Variants in XYLT1 observed in about 807,000 individuals in gnomAD.
The protein encoded by XYLT1 is xylosyltransferase 1, also known as beta-D-xylosyltransferase 1.
XYLT1 carries 36 observed loss-of-function variants against 91.3 expected under a neutral mutation model. That is an observed-to-expected ratio of 0.39 (90% CI 0.30 to 0.52). The LOEUF is 0.52. XYLT1 is among the 20% of genes least tolerant of loss of function. The pLI, the probability that XYLT1 is intolerant of heterozygous loss-of-function variation, is 0.68. For synonymous variants in XYLT1, 588 were observed against 532.0 expected, an observed-to-expected ratio of 1.11 and a Z score of -1.45; for missense variants, 1,242 against 1,284.5, an observed-to-expected ratio of 0.97 and a Z score of 0.51.
chr16:17,274,671 C>G (rs2033945683), intron 2 of XYLT1, among the ~76,000 whole-genome samples: 2 of 152,104 alleles, frequency 1.3e-5, no homozygotes, highest in South Asian at 4.1e-4. Context: ...GGAGACTTCA[C>G]AGAGAAAGCA....
chr16:17,335,317 A>G (rs1389818142), intron 2 of XYLT1, among the ~76,000 whole-genome samples: 1 of 152,170 alleles, frequency 6.6e-6, no homozygotes, highest in Non-Finnish European at 1.5e-5. Flanking sequence ...TTTATTGGTG[A>G]GAAAACCGAG....
intron 3 of XYLT1, among the ~76,000 whole-genome samples, chr16:17,223,573 G>C (rs1195706232): frequency 6.6e-6 from 1 of 152,202 alleles, no homozygotes; most frequent in Non-Finnish European, 1.5e-5. Flanking sequence ...TCACTGTCTG[G>C]GTGCAGAAGA....
At chr16:17,239,532 CCATCCCATT>C (rs2033310335) in intron 3 of XYLT1, among the ~76,000 whole-genome samples, 1 of 147,738 alleles carries the variant, frequency 6.8e-6, no homozygotes, top group Non-Finnish European at 1.5e-5. Context: ...ATCCATCCAT[CCATCCCATT>C]CATCCATCCA....
At chr16:17,321,158 G>C (rs954700838) in intron 2 of XYLT1, among the ~76,000 whole-genome samples, 4 of 151,928 alleles carry the variant, frequency 2.6e-5, no homozygotes, top group African/African-American at 9.7e-5. Context: ...CAGTGGGGCA[G>C]GCTGTACATC....
intron 1 of XYLT1, among the ~76,000 whole-genome samples, chr16:17,418,241 C>G (rs1189321194): frequency 6.6e-6 from 1 of 152,180 alleles, no homozygotes; most frequent in Non-Finnish European, 1.5e-5. Context: ...CTTGTACACA[C>G]CTTAGGCAGC....
intron 3 of XYLT1, among the ~76,000 whole-genome samples, chr16:17,252,659 C>T (rs527617024): frequency 6.6e-6 from 1 of 152,300 alleles, no homozygotes; most frequent in South Asian, 2.1e-4. Flanking sequence ...CAAGGAATGT[C>T]TCACAGAAAG....
intron 5 of XYLT1, among the ~76,000 whole-genome samples, chr16:17,180,108 A>C (rs2032033480): frequency 6.6e-6 from 1 of 152,182 alleles, no homozygotes; most frequent in Admixed American, 6.5e-5. Flanking sequence ...AGCACTTAGC[A>C]CCTGCAGAAA....
chr16:17,200,476 T>A lies in XYLT1; in HGVS notation c.1086+6A>T. ...CCAGCAAGGGGTGATCACAGAGGCC[T>A]CTCACCTTGTCCACGTGGATGTAGT... On this transcript the variant is annotated splice_donor_region_variant and intron_variant, in intron 4 of 11. Coordinates refer to ENST00000261381, the MANE Select transcript of XYLT1 (RefSeq NM_022166.4). The A allele has an allele frequency of 6.2e-7, 1 of 1,610,966 alleles. No individual in the cohort carries two copies. Among genetic ancestry groups the A allele is most frequent in the East Asian group, 2.2e-5 (1 of 44,750 alleles).
chr16:17,392,572 T>C (rs1440204333), intron 1 of XYLT1, among the ~76,000 whole-genome samples: 1 of 152,166 alleles, frequency 6.6e-6, no homozygotes, highest in East Asian at 1.9e-4. Context: ...TAAACGACCA[T>C]CGGAAGGAGA....
chr16:17,278,384 G>A (rs1440350271), intron 2 of XYLT1, among the ~76,000 whole-genome samples: 1 of 152,196 alleles, frequency 6.6e-6, no homozygotes, highest in African/African-American at 2.4e-5. Flanking sequence ...CAGTCAGGAC[G>A]CATCTCCGAG....
chr16:17,309,998 G>A lies in XYLT1; in HGVS notation c.402+48014C>T, dbSNP rs534738775. Reference sequence around the variant, plus strand: ...TGCTCAAAGGCAGCTCAATTTGGAGGCTGGGAGTGGGAACACATCATCCCT... The same window carrying A: ...TGCTCAAAGGCAGCTCAATTTGGAGACTGGGAGTGGGAACACATCATCCCT... On this transcript the variant is annotated intron_variant, in intron 2 of 11. Transcript: ENST00000261381. 5.3e-4 allele frequency among the ~76,000 whole-genome samples: 81 copies of A among 152,312 alleles called. 1 individual carries two copies. Among genetic ancestry groups the A allele is most frequent in the African/African-American group, 1.9e-3 (78 of 41,568 alleles).
At position 17,349,966 on chromosome 16, in the gene XYLT1, C is replaced by T. The variant is rs183061016; in HGVS notation, c.402+8046G>A. On this transcript the variant is annotated intron_variant, in intron 2 of 11. Transcript: ENST00000261381. ...TCAGCTCACTGCAAGCTCCGCCTCCCGGGTTCACGTCATTCTCCTACCTCA... is the reference window on the plus strand; with the variant it reads ...TCAGCTCACTGCAAGCTCCGCCTCCTGGGTTCACGTCATTCTCCTACCTCA... Among the ~76,000 whole-genome samples, 645 of 152,088 alleles carry T rather than the reference C, an allele frequency of 4.2e-3. 6 individuals are homozygous for T. The highest frequency in any genetic ancestry group is 0.027 in the Middle Eastern group (8 of 294).
chr16:17,161,359 T>C (rs2031545887), intron 5 of XYLT1, among the ~76,000 whole-genome samples: 1 of 152,134 alleles, frequency 6.6e-6, no homozygotes, highest in Non-Finnish European at 1.5e-5. Context: ...AAAGCCGCCT[T>C]TCAAAGCCAA....
At chr16:17,251,936 G>T (rs1417624055) in intron 3 of XYLT1, among the ~76,000 whole-genome samples, 1 of 152,096 alleles carries the variant, frequency 6.6e-6, no homozygotes, top group South Asian at 2.1e-4. Flanking sequence ...GTGGGGACAG[G>T]GAGGGGGCTG....
At chr16:17,414,843 A>T (rs1158124270) in intron 1 of XYLT1, among the ~76,000 whole-genome samples, 1 of 152,110 alleles carries the variant, frequency 6.6e-6, no homozygotes, top group African/African-American at 2.4e-5. Context: ...CCAGGACAAC[A>T]CAAGATGCTG....
At chr16:17,273,876 T>C (rs2033932811) in intron 2 of XYLT1, among the ~76,000 whole-genome samples, 1 of 150,512 alleles carries the variant, frequency 6.6e-6, no homozygotes, top group Non-Finnish European at 1.5e-5. Flanking sequence ...GAAGTGCTAA[T>C]GTTGTTGCAC....
At chr16:17,222,139 C>G (rs1486467139) in intron 3 of XYLT1, among the ~76,000 whole-genome samples, 1 of 152,178 alleles carries the variant, frequency 6.6e-6, no homozygotes, top group South Asian at 2.1e-4. Flanking sequence ...TAGGACCCGA[C>G]CCAGATACCT....
chr16:17,355,334 C>G (rs1430856105), intron 2 of XYLT1: 2 of 152,384 alleles, frequency 1.3e-5, no homozygotes, highest in Non-Finnish European at 2.9e-5. Flanking sequence ...CTGTTCCACT[C>G]CCAGGAGATA....
At chr16:17,281,224 C>T (rs2034053805) in intron 2 of XYLT1, among the ~76,000 whole-genome samples, 1 of 151,672 alleles carries the variant, frequency 6.6e-6, no homozygotes, top group Non-Finnish European at 1.5e-5. Context: ...GCATCAGAGC[C>T]CCAGTGCCCG....
Sources: gnomAD v4.1 joint callset for allele counts (sites outside exome capture counted in the v4.1 genomes callset) on GRCh38, gnomAD v4.1.1 for gene constraint, MANE v1.5 for transcripts, NCBI Gene and HGNC (gene_info 2026-07-23, HGNC 2026-07-21) for gene names.